ST6GALNAC3: variants seen among roughly 807,000 people sequenced by gnomAD.
ST6GALNAC3 encodes alpha-N-acetylgalactosaminide alpha-2,6-sialyltransferase 3.
ST6GALNAC3 carries 25 observed loss-of-function variants against 32.7 expected under a neutral mutation model. That is an observed-to-expected ratio of 0.76 (90% CI 0.56 to 1.07). The LOEUF (loss-of-function observed/expected upper bound fraction) is 1.07. Among genes scored for constraint, ST6GALNAC3 ranks in the 50% least tolerant of loss-of-function variants. The pLI is 0.00. For missense variants in ST6GALNAC3, 355 were observed against 382.4 expected (o/e 0.93, Z 0.60); for synonymous variants, 129 against 133.1 (o/e 0.97, Z 0.21).
intron 3 of ST6GALNAC3, among the ~76,000 whole-genome samples, chr1:76,614,804 A>G (rs1648187516): frequency 6.6e-6 from 1 of 151,748 alleles, no homozygotes; most frequent in Non-Finnish European, 1.5e-5. Context: ...TAAAATCAGA[A>G]TCTATTACCG....
At chr1:76,404,655 G>A (rs537905715) in intron 2 of ST6GALNAC3, among the ~76,000 whole-genome samples, 51 of 152,142 alleles carry the variant, frequency 3.4e-4, no homozygotes, top group Non-Finnish European at 6.0e-4. Context: ...GGGAATAAAT[G>A]ACAGCAAACT....
chr1:76,494,168 G>C (rs1364011366), intron 3 of ST6GALNAC3, among the ~76,000 whole-genome samples: 1 of 151,784 alleles, frequency 6.6e-6, no homozygotes, highest in South Asian at 2.1e-4. Context: ...TATTGTGAGA[G>C]TTAAATGGTA....
At chr1:76,406,363 A>G (rs1216561588) in intron 2 of ST6GALNAC3, among the ~76,000 whole-genome samples, 3 of 152,070 alleles carry the variant, frequency 2.0e-5, no homozygotes, top group South Asian at 4.1e-4. Flanking sequence ...TTTGCCCGAC[A>G]TGGACAGTAA....
intron 1 of ST6GALNAC3, among the ~76,000 whole-genome samples, chr1:76,179,619 A>G (rs11162095): frequency 0.52 from 78,509 of 152,012 alleles, 23,304 homozygotes; most frequent in East Asian, 0.88. Flanking sequence ...AGTGAAAACC[A>G]AAGACTTTAT....
chr1:76,574,431 T>C (rs1422019135), intron 3 of ST6GALNAC3, among the ~76,000 whole-genome samples: 1 of 152,046 alleles, frequency 6.6e-6, no homozygotes, highest in Non-Finnish European at 1.5e-5. Flanking sequence ...TTCTATTATC[T>C]ATACTACACT....
intron 3 of ST6GALNAC3, among the ~76,000 whole-genome samples, chr1:76,573,749 C>T (rs315024): frequency 0.29 from 43,250 of 150,892 alleles, 7,459 homozygotes; most frequent in African/African-American, 0.49. Context: ...AAAATAAACA[C>T]ATTTGTGAGT....
At chr1:76,446,901 A>T (rs570087598) in intron 3 of ST6GALNAC3, among the ~76,000 whole-genome samples, 1 of 152,194 alleles carries the variant, frequency 6.6e-6, no homozygotes, top group African/African-American at 2.4e-5. Context: ...AGTCTTGGGT[A>T]TGTCTTTATC....
intron 1 of ST6GALNAC3, among the ~76,000 whole-genome samples, chr1:76,274,373 G>T (rs1659022020): frequency 6.6e-6 from 1 of 152,130 alleles, no homozygotes. Flanking sequence ...TATTTTAACA[G>T]CATGGTGGCT....
intron 3 of ST6GALNAC3, among the ~76,000 whole-genome samples, chr1:76,460,563 G>A (rs915457616): frequency 1.3e-5 from 2 of 152,140 alleles, no homozygotes; most frequent in Admixed American, 6.5e-5. Flanking sequence ...GTGAGACACC[G>A]CAGAATCAAG....
chr1:76,369,815 G>A (rs1030559725), intron 2 of ST6GALNAC3, among the ~76,000 whole-genome samples: 3 of 152,156 alleles, frequency 2.0e-5, no homozygotes, highest in Non-Finnish European at 2.9e-5. Context: ...ATTAGGCAAT[G>A]CTAGCTCTAT....
chr1:76,467,161 C>A (rs1335971154), intron 3 of ST6GALNAC3, among the ~76,000 whole-genome samples: 1 of 151,994 alleles, frequency 6.6e-6, no homozygotes, highest in Non-Finnish European at 1.5e-5. Flanking sequence ...AATAATGAAA[C>A]CTCCCATTCT....
At chr1:76,269,581 T>C (rs1658721690) in intron 1 of ST6GALNAC3, among the ~76,000 whole-genome samples, 1 of 152,232 alleles carries the variant, frequency 6.6e-6, no homozygotes, top group African/African-American at 2.4e-5. Context: ...GGGTGCCATA[T>C]TCAGTTTGTG....
At chr1:76,502,064 C>T (rs770686928) in intron 3 of ST6GALNAC3, among the ~76,000 whole-genome samples, 12 of 152,192 alleles carry the variant, frequency 7.9e-5, no homozygotes, top group South Asian at 2.1e-4. Flanking sequence ...TCCTCCTGTG[C>T]GCCTCTTATC....
At chr1:76,294,926 G>T (rs1028735996) in intron 1 of ST6GALNAC3, among the ~76,000 whole-genome samples, 2 of 152,106 alleles carry the variant, frequency 1.3e-5, no homozygotes, top group African/African-American at 4.8e-5. Flanking sequence ...CATAATTTGT[G>T]ATGGAAAAGT....
chr1:76,155,436 T>C (rs750974377), intron 1 of ST6GALNAC3, among the ~76,000 whole-genome samples: 2 of 152,182 alleles, frequency 1.3e-5, no homozygotes, highest in Non-Finnish European at 2.9e-5. Context: ...ACTATGAATA[T>C]AGCAAGAGTT....
intron 1 of ST6GALNAC3, among the ~76,000 whole-genome samples, chr1:76,255,030 C>CTCT (rs1553169852): frequency 1.4e-5 from 2 of 146,346 alleles, no homozygotes; most frequent in Non-Finnish European, 3.0e-5. Context: ...CTCTCTCTCT[C>CTCT]TTTTTTTTTT....
intron 1 of ST6GALNAC3, among the ~76,000 whole-genome samples, chr1:76,126,341 A>G (rs1649239182): frequency 6.6e-6 from 1 of 152,074 alleles, no homozygotes; most frequent in Non-Finnish European, 1.5e-5. Flanking sequence ...AGTAACCATA[A>G]AACTTGGTAA....
chr1:76,497,376 C>T (rs1660918365), intron 3 of ST6GALNAC3, among the ~76,000 whole-genome samples: 1 of 152,072 alleles, frequency 6.6e-6, no homozygotes, highest in African/African-American at 2.4e-5. Context: ...AAAGAGAGCT[C>T]TGGAAGAGCC....
At chr1:76,331,254 G>A (rs527546817) in intron 2 of ST6GALNAC3, among the ~76,000 whole-genome samples, 1 of 152,134 alleles carries the variant, frequency 6.6e-6, no homozygotes, top group African/African-American at 2.4e-5. Context: ...CATGAGTAAT[G>A]GAAAAAAATA....
Sources: gnomAD v4.1 joint callset for allele counts (sites outside exome capture counted in the v4.1 genomes callset) on GRCh38, gnomAD v4.1.1 for gene constraint, MANE v1.5 for transcripts, NCBI Gene and HGNC (gene_info 2026-07-23, HGNC 2026-07-21) for gene names.